MFSD8: variants seen among roughly 807,000 people sequenced by gnomAD.
The protein encoded by MFSD8 is major facilitator superfamily domain-containing protein 8.
Under a neutral mutation model 66.4 loss-of-function variants are expected in MFSD8, and 55 were observed. The observed-to-expected ratio is 0.83, with a 90% CI of 0.67 to 1.04. The LOEUF (loss-of-function observed/expected upper bound fraction) is 1.04. MFSD8 is among the 50% of genes least tolerant of loss of function. MFSD8 has a pLI of 0.00. For synonymous variants in MFSD8, 202 were observed against 212.8 expected, an observed-to-expected ratio of 0.95 and a Z score of 0.44; for missense variants, 550 against 627.6, an observed-to-expected ratio of 0.88 and a Z score of 1.32.
Position 127,949,865 on chromosome 4 carries a change from A to G in MFSD8, c.155-18T>C. On this transcript the variant is annotated intron_variant, in intron 2 of 11. Transcript: ENST00000641686. ...AGAAAACCCTGTGAAGAAGCAAACT[A>G]GGTTATTTATACTTATAATAATTTA... 1 of 1,599,366 alleles carries G rather than the reference A, an allele frequency of 6.3e-7. No homozygotes were observed. The highest frequency in any genetic ancestry group is 8.6e-7 in the Non-Finnish European group (1 of 1,169,524).
chr4:127,938,718 C>T (rs1486934776), intron 7 of MFSD8, 65 bp downstream of exon 7: 3 of 1,404,624 alleles, frequency 2.1e-6, no homozygotes, highest in East Asian at 2.3e-5. Context: ...AAATACCAAA[C>T]AAACAGAATC....
upstream of MFSD8, chr4:127,965,212 G>A: frequency 6.4e-7 from 1 of 1,567,212 alleles, no homozygotes; most frequent in Non-Finnish European, 8.7e-7. Flanking sequence ...CGTGAAGCTG[G>A]CAAAACAAGC....
intron 2 of MFSD8, among the ~76,000 whole-genome samples, chr4:127,957,261 T>C (rs761319411): frequency 6.6e-6 from 1 of 151,838 alleles, no homozygotes; most frequent in Non-Finnish European, 1.5e-5. Context: ...AAATAGGGAG[T>C]TGTTTAATGG....
At chr4:127,956,393 G>C (rs558820278) in intron 2 of MFSD8, among the ~76,000 whole-genome samples, 1 of 151,274 alleles carries the variant, frequency 6.6e-6, no homozygotes, top group African/African-American at 2.4e-5. Flanking sequence ...CCAGCTACTC[G>C]GGAGGCTGAG....
intron 6 of MFSD8, chr4:127,939,547 T>C (rs1739750138): frequency 1.6e-5 from 3 of 190,284 alleles, no homozygotes; most frequent in Admixed American, 7.2e-5. Flanking sequence ...GGAGGTTGCA[T>C]TGAGCCGAGA....
chr4:127,944,649 ATTGT>A (rs1740741900), intron 3 of MFSD8, among the ~76,000 whole-genome samples: 1 of 152,014 alleles, frequency 6.6e-6, no homozygotes, highest in African/African-American at 2.4e-5. Context: ...AAAAGGCACT[ATTGT>A]TTATTTTTAT....
chr4:127,932,352 T>C (rs1738282832), intron 8 of MFSD8: 1 of 152,196 alleles, frequency 6.6e-6, no homozygotes, highest in Non-Finnish European at 1.5e-5. Flanking sequence ...AATAGATACA[T>C]GTATATACAT....
intron 2 of MFSD8, among the ~76,000 whole-genome samples, chr4:127,953,658 T>C (rs1350572914): frequency 1.3e-5 from 2 of 148,562 alleles, no homozygotes; most frequent in Admixed American, 6.9e-5. Context: ...GGTTCAAGTG[T>C]ATTTTTAGTA....
At chr4:127,939,042 A>G in intron 6 of MFSD8, 1 of 390,522 alleles carries the variant, frequency 2.6e-6, no homozygotes, top group Non-Finnish European at 4.6e-6. Flanking sequence ...ATAAACAGGT[A>G]AAATGAAAAA....
chr4:127,926,863 A>G (rs1045355289), intron 9 of MFSD8, among the ~76,000 whole-genome samples: 1 of 152,316 alleles, frequency 6.6e-6, no homozygotes, highest in Non-Finnish European at 1.5e-5. Flanking sequence ...TTCAGTAGAA[A>G]CCACACTTCA....
At chr4:127,951,563 A>G (rs1326371188) in intron 2 of MFSD8, among the ~76,000 whole-genome samples, 1 of 152,090 alleles carries the variant, frequency 6.6e-6, no homozygotes, top group East Asian at 1.9e-4. Context: ...TGTCACCTCA[A>G]AAAAAACTCT....
At chr4:127,934,875 A>G (rs1432384265) in intron 7 of MFSD8, among the ~76,000 whole-genome samples, 1 of 150,972 alleles carries the variant, frequency 6.6e-6, no homozygotes, top group Non-Finnish European at 1.5e-5. Flanking sequence ...GTATTAATAC[A>G]TAAAATATTA....
chr4:127,943,630 G>T, intron 4 of MFSD8, 122 bp downstream of exon 4: 1 of 1,193,252 alleles, frequency 8.4e-7, no homozygotes, highest in East Asian at 2.4e-5. Flanking sequence ...TTTACAATGA[G>T]AAACATGTAT....
chr4:127,949,965 C>A, intron 2 of MFSD8, 118 bp from the exon 3 acceptor site: 1 of 776,222 alleles, frequency 1.3e-6, no homozygotes, highest in Non-Finnish European at 2.1e-6. Flanking sequence ...TCTATGCATA[C>A]AAATGCCTAA....
At chr4:127,965,371 G>A (rs962428707), upstream of MFSD8, 8 of 606,096 alleles carry the variant, frequency 1.3e-5, no homozygotes, top group Non-Finnish European at 2.4e-5. Context: ...CATCCTGACG[G>A]GGACTGAGAG....
chr4:127,963,916 C>A (rs989194970), intron 1 of MFSD8, among the ~76,000 whole-genome samples: 1 of 151,854 alleles, frequency 6.6e-6, no homozygotes, highest in Non-Finnish European at 1.5e-5. Context: ...GAGCTAGACA[C>A]AAAGGTTCTC....
intron 1 of MFSD8, among the ~76,000 whole-genome samples, chr4:127,962,406 G>T (rs1743938527): frequency 6.6e-6 from 1 of 151,958 alleles, no homozygotes; most frequent in Non-Finnish European, 1.5e-5. Context: ...AGGCAGAGGT[G>T]GCAGTGAGCC....
At chr4:127,962,489 G>C (rs1429370694) in intron 1 of MFSD8, among the ~76,000 whole-genome samples, 1 of 145,798 alleles carries the variant, frequency 6.9e-6, no homozygotes, top group Non-Finnish European at 1.5e-5. Flanking sequence ...TAGCAGTGTA[G>C]AATAAATTGG....
At position 127,960,438 on chromosome 4, in the gene MFSD8, G is replaced by A. The variant is rs193110329; in HGVS notation, c.63-2846C>T. Among the ~76,000 whole-genome samples, 788 of 152,266 alleles carry A rather than the reference G, an allele frequency of 5.2e-3. 5 individuals are homozygous for A. Among genetic ancestry groups the A allele is most frequent in the African/African-American group, 0.018 (749 of 41,556 alleles). On this transcript the variant is annotated intron_variant, in intron 1 of 11. Coordinates refer to ENST00000641686, the MANE Select transcript of MFSD8 (RefSeq NM_001371596.2). ...CCAGCTACTTAGGAGGCTGAGGCAG[G>A]AGAATCACTTGAACCTGGGAGGCAG...
Sources: gnomAD v4.1 joint callset for allele counts (sites outside exome capture counted in the v4.1 genomes callset) on GRCh38, gnomAD v4.1.1 for gene constraint, MANE v1.5 for transcripts, NCBI Gene and HGNC (gene_info 2026-07-23, HGNC 2026-07-21) for gene names.